Variants in TRDMT1 observed in about 807,000 individuals in gnomAD.
TRDMT1 encodes the protein tRNA (cytosine(38)-C(5))-methyltransferase.
In TRDMT1, 49 loss-of-function variants were observed where a neutral mutation model predicts 51.2. The observed-to-expected ratio is 0.96, with a 90% CI of 0.76 to 1.21. The LOEUF is 1.21. Ranked by LOEUF, TRDMT1 falls within the 50% of genes most tolerant of loss-of-function variation. TRDMT1 has a pLI of 0.00. For missense variants in TRDMT1, 534 were observed against 462.3 expected, an observed-to-expected ratio of 1.16 and a Z score of -1.42; for synonymous variants, 187 against 164.6, an observed-to-expected ratio of 1.14 and a Z score of -1.04.
intron 1 of TRDMT1, among the ~76,000 whole-genome samples, chr10:17,186,902 T>TAAGTA (rs1161105176): frequency 6.6e-6 from 1 of 152,216 alleles, no homozygotes; most frequent in Non-Finnish European, 1.5e-5. Flanking sequence ...CAAGATATTC[T>TAAGTA]AAGTAAAGAA....
At chr10:17,201,478 C>T in intron 1 of TRDMT1, 93 bp downstream of exon 1, 1 of 1,358,506 alleles carries the variant, frequency 7.4e-7, no homozygotes, top group Admixed American at 2.2e-5. Flanking sequence ...AGTGTCCGCC[C>T]CTTGCGTCTC....
At chr10:17,178,827 A>G (rs1214941533) in intron 1 of TRDMT1, among the ~76,000 whole-genome samples, 2 of 152,156 alleles carry the variant, frequency 1.3e-5, no homozygotes, top group African/African-American at 4.8e-5. Context: ...AACAAAATTT[A>G]CTTTGTGTCA....
chr10:17,145,335 G>T lies in TRDMT1; in HGVS notation c.*3705C>A. The T allele has an allele frequency of 1.0e-6, 1 of 985,422 alleles. No homozygotes were observed. Among genetic ancestry groups the T allele is most frequent in the Non-Finnish European group, 1.2e-6 (1 of 829,972 alleles). The allele number at this position is 985,422 out of a possible 1,614,324, so 61.0% of individuals were successfully genotyped here. On this transcript the variant is annotated 3_prime_UTR_variant, in exon 11 of 11. Transcript: ENST00000377799. ...AAGGCATAACTAGACATCTTGGTGGGTGTGACAGAGGTCCAGAAAAGTGCT... is the reference window on the plus strand; with the variant it reads ...AAGGCATAACTAGACATCTTGGTGGTTGTGACAGAGGTCCAGAAAAGTGCT...
intron 1 of TRDMT1, among the ~76,000 whole-genome samples, chr10:17,187,306 C>G (rs1844070660): frequency 6.6e-6 from 1 of 152,054 alleles, no homozygotes; most frequent in Non-Finnish European, 1.5e-5. Context: ...TTCAACTTCA[C>G]TAGTAATCAA....
In TRDMT1 at chr10:17,145,036, G is replaced by C. The variant is rs1318776933; in HGVS notation, c.*4004C>G. 3 of 935,360 alleles carry C rather than the reference G, an allele frequency of 3.2e-6. No individual in the cohort carries two copies. The African/African-American group carries it at 5.3e-5, about 17-fold the overall frequency. 57.9% of individuals were successfully genotyped at this position (935,360 alleles called of 1,614,324 possible). On this transcript the variant is annotated 3_prime_UTR_variant, in exon 11 of 11. Transcript: ENST00000377799. ...AGCCAAGGTGGGTGGATTAACTTGA[G>C]GTCAGGTGTTCGAGACCAGCCTGGC...
Position 17,145,367 on chromosome 10 carries a change from G to A in TRDMT1, c.*3673C>T. On this transcript the variant is annotated 3_prime_UTR_variant, in exon 11 of 11. Coordinates refer to ENST00000377799, the MANE Select transcript of TRDMT1 (RefSeq NM_004412.7). ...AGAGGTCCAGAAAAGTGCTTGCTAA[G>A]AAGCTGATATGATAGTTGTATATAG... is the stretch of plus-strand genomic sequence containing the variant. The A allele has an allele frequency of 1.0e-6, 1 of 985,454 alleles. No homozygotes were observed. The highest frequency in any genetic ancestry group is 1.2e-6 in the Non-Finnish European group (1 of 829,948). The allele number at this position is 985,454 out of a possible 1,614,324, so 61.0% of individuals were successfully genotyped here. A position where few individuals can be genotyped will look rare whatever the true frequency, so the allele number is the denominator to read the frequency against.
At chr10:17,162,299 A>G (rs2131439400) in intron 3 of TRDMT1, 62 bp from the exon 4 acceptor site, 1 of 1,459,526 alleles carries the variant, frequency 6.9e-7, no homozygotes, top group Non-Finnish European at 9.4e-7. Context: ...AGAATCTGAT[A>G]AAAAGATGTC....
At position 17,148,216 on chromosome 10, in the gene TRDMT1, G is replaced by A; in HGVS notation, c.*824C>T. ...TACAATAAAGAACAACTGGGGGGAG[G>A]GGAGTACTGTCATATGACATGGGAT... is the stretch of plus-strand genomic sequence containing the variant. On this transcript the variant is annotated 3_prime_UTR_variant, in exon 11 of 11. Coordinates refer to ENST00000377799, the MANE Select transcript of TRDMT1 (RefSeq NM_004412.7). The A allele has an allele frequency of 1.0e-6, 1 of 985,350 alleles. No individual in the cohort carries two copies. The highest frequency in any genetic ancestry group is 1.2e-6 in the Non-Finnish European group (1 of 829,930). The allele number at this position is 985,350 out of a possible 1,614,324, so 61.0% of individuals were successfully genotyped here. A position where few individuals can be genotyped will look rare whatever the true frequency, so the allele number is the denominator to read the frequency against.
Position 17,145,829 on chromosome 10 carries a change from T to C in TRDMT1, c.*3211A>G. 2 of 985,470 alleles carry C rather than the reference T, an allele frequency of 2.0e-6. No homozygotes were observed. Among genetic ancestry groups the C allele is most frequent in the South Asian group, 4.7e-5 (1 of 21,290 alleles). 61.0% of individuals were successfully genotyped at this position (985,470 alleles called of 1,614,324 possible). A position where few individuals can be genotyped will look rare whatever the true frequency, so the allele number is the denominator to read the frequency against. ...CAGAATGCATCCTTTAGTAGGTGCT[T>C]GATATTAGATGAAATGTGGTTGCTT... On this transcript the variant is annotated 3_prime_UTR_variant, in exon 11 of 11. Coordinates refer to ENST00000377799, the MANE Select transcript of TRDMT1 (RefSeq NM_004412.7).
chr10:17,184,409 A>C (rs1235077778), intron 1 of TRDMT1, among the ~76,000 whole-genome samples: 1 of 151,372 alleles, frequency 6.6e-6, no homozygotes, highest in Non-Finnish European at 1.5e-5. Flanking sequence ...AGACTTGTAA[A>C]AATATAATTA....
At position 17,157,484 on chromosome 10, in the gene TRDMT1, T is replaced by A; in HGVS notation, c.844A>T (p.Ile282Phe). 2 of 1,613,768 alleles carry A rather than the reference T, an allele frequency of 1.2e-6. No homozygotes were observed. The highest frequency in any genetic ancestry group is 1.7e-6 in the Non-Finnish European group (2 of 1,179,688). Residue 282 changes from isoleucine to phenylalanine, a missense_variant, in exon 8 of 11, where the codon ATT becomes TTT. By Grantham distance (21) the Ile-to-Phe change is conservative. Coordinates refer to ENST00000377799, the MANE Select transcript of TRDMT1 (RefSeq NM_004412.7). ...SLLRYALLLD[I>F]VQPTCRRSVC... ...GACCTTCTACAAGTGGGCTGAACAATGTCTAACAGAAGAGCATATCGCAGC... is the reference window on the plus strand; with the variant it reads ...GACCTTCTACAAGTGGGCTGAACAAAGTCTAACAGAAGAGCATATCGCAGC...
At chr10:17,200,696 A>T (rs571190309) in intron 1 of TRDMT1, 2 of 155,874 alleles carry the variant, frequency 1.3e-5, no homozygotes, top group South Asian at 4.1e-4. Context: ...TTTTGAGTGA[A>T]TATCACCAAA....
At chr10:17,183,603 G>C (rs1313809858) in intron 1 of TRDMT1, among the ~76,000 whole-genome samples, 1 of 152,018 alleles carries the variant, frequency 6.6e-6, no homozygotes. Flanking sequence ...TTTTTAGAAA[G>C]AGACAGGGTT....
chr10:17,197,238 A>C (rs1845576099), intron 1 of TRDMT1, among the ~76,000 whole-genome samples: 1 of 152,258 alleles, frequency 6.6e-6, no homozygotes, highest in South Asian at 2.1e-4. Flanking sequence ...ATAAAACGAT[A>C]GCAGAAGGAT....
At chr10:17,193,039 G>A (rs1844907219) in intron 1 of TRDMT1, among the ~76,000 whole-genome samples, 2 of 152,070 alleles carry the variant, frequency 1.3e-5, no homozygotes, top group Admixed American at 6.6e-5. Flanking sequence ...CATAGTATTG[G>A]AAGTACTAGC....
chr10:17,159,090 T>C, intron 7 of TRDMT1, 56 bp downstream of exon 7: 1 of 1,163,342 alleles, frequency 8.6e-7, no homozygotes, highest in Non-Finnish European at 1.2e-6. Flanking sequence ...AGCAGACTAA[T>C]ATATATTTAT....
In TRDMT1 at chr10:17,182,415, T is replaced by C. The variant is rs946999119; in HGVS notation, c.65-7755A>G. 5.3e-5 allele frequency among the ~76,000 whole-genome samples: 8 copies of C among 152,324 alleles called. No homozygotes were observed. In the East Asian group the frequency reaches 1.5e-3, roughly 29 times the overall value. Reference sequence around the variant, plus strand: ...AGTTTCTGTCACTTGCAAATAACACTTCTAAGTGGCAATCAGGTGAACACA... The same window carrying C: ...AGTTTCTGTCACTTGCAAATAACACCTCTAAGTGGCAATCAGGTGAACACA... On this transcript the variant is annotated intron_variant, in intron 1 of 10. Coordinates refer to ENST00000377799, the MANE Select transcript of TRDMT1 (RefSeq NM_004412.7).
Position 17,144,378 on chromosome 10 carries a change from C to T in TRDMT1, c.*4662G>A, listed in dbSNP as rs1387286549. 2.0e-6 allele frequency: 2 copies of T among 985,104 alleles called. No homozygotes were observed. The highest frequency in any genetic ancestry group is 3.5e-5 in the African/African-American group (2 of 57,132). The allele number at this position is 985,104 out of a possible 1,614,324, so 61.0% of individuals were successfully genotyped here. ...GGTACAAGCAAAGAAATGAAAAAAC[C>T]CTAGGCTTATTCAGAAAAGAGTTCT... On this transcript the variant is annotated 3_prime_UTR_variant, in exon 11 of 11. Coordinates refer to ENST00000377799, the MANE Select transcript of TRDMT1 (RefSeq NM_004412.7).
At chr10:17,187,773 C>T (rs1844142348) in intron 1 of TRDMT1, among the ~76,000 whole-genome samples, 1 of 152,096 alleles carries the variant, frequency 6.6e-6, no homozygotes, top group South Asian at 2.1e-4. Flanking sequence ...CTTTCCTGAC[C>T]TTTTTCTGTG....
Sources: allele counts gnomAD v4.1 joint callset (sites outside exome capture counted in the v4.1 genomes callset), GRCh38; gene constraint gnomAD v4.1.1; transcripts MANE v1.5; gene names NCBI Gene and HGNC (gene_info 2026-07-23, HGNC 2026-07-21).